TMEM255B: variants seen among roughly 807,000 people sequenced by gnomAD.
TMEM255B encodes family with sequence similarity 70, member B.
Under a neutral mutation model 34.5 loss-of-function variants are expected in TMEM255B, and 35 were observed. The observed-to-expected ratio is 1.01, with a 90% confidence interval of 0.77 to 1.34. The LOEUF is 1.34. Ranked by LOEUF, TMEM255B falls within the 40% of genes most tolerant of loss-of-function variation. The pLI, the probability that TMEM255B is intolerant of heterozygous loss-of-function variation, is 0.00. For synonymous variants in TMEM255B, 206 were observed against 201.2 expected, an observed-to-expected ratio of 1.02 and a Z score of -0.20; for missense variants, 432 against 433.2, an observed-to-expected ratio of 1.00 and a Z score of 0.02.
At chr13:113,797,085 C>T (rs762518450) in intron 4 of TMEM255B, among the ~76,000 whole-genome samples, 3 of 152,196 alleles carry the variant, frequency 2.0e-5, no homozygotes, top group Non-Finnish European at 4.4e-5. Flanking sequence ...GTGGCCCCGC[C>T]GAGGAGCAGG....
At chr13:113,802,416 C>T (rs1018052253) in intron 7 of TMEM255B, among the ~76,000 whole-genome samples, 2 of 152,198 alleles carry the variant, frequency 1.3e-5, no homozygotes, top group African/African-American at 2.4e-5. Flanking sequence ...GGCCAGCAAA[C>T]CCCGCCCCCT....
chr13:113,783,322 A>C (rs1462685644), intron 3 of TMEM255B, among the ~76,000 whole-genome samples: 2 of 152,174 alleles, frequency 1.3e-5, no homozygotes, highest in African/African-American at 4.8e-5. Context: ...TGGTAAGTCC[A>C]ATCTGGATCT....
At chr13:113,792,795 T>G (rs1196549321) in intron 3 of TMEM255B, among the ~76,000 whole-genome samples, 2 of 152,274 alleles carry the variant, frequency 1.3e-5, no homozygotes, top group Non-Finnish European at 2.9e-5. Context: ...AGACCCAGGC[T>G]AATGCAGCCA....
In TMEM255B at chr13:113,816,708, C is replaced by G. The variant is rs72670688; in HGVS notation, c.*4805C>G. The G allele has an allele frequency of 6.6e-6, 1 of 152,158 alleles. No individual in the cohort carries two copies. The highest frequency in any genetic ancestry group is 1.5e-5 in the Non-Finnish European group (1 of 68,038). 9.4% of individuals were successfully genotyped at this position (152,158 alleles called of 1,614,324 possible). On this transcript the variant is annotated 3_prime_UTR_variant, in exon 9 of 9. Coordinates refer to ENST00000375353, the MANE Select transcript of TMEM255B (RefSeq NM_182614.4). ...AAGAGGATTCCACGAGGCCGGGGCC[C>G]GTCAGCAGATCCTCAGACGGCGACA...
At position 113,816,910 on chromosome 13, in the gene TMEM255B, TCTC is replaced by T. The variant is rs1444272564; in HGVS notation, c.*5010_*5012del. The stretch of plus-strand genomic sequence containing the variant: ...GCAGGCAGGGGCTGTGGCTGGAGCT[TCTC>T]CTACAAATGGGCTGTGCTGGGATTA... On this transcript the variant is annotated 3_prime_UTR_variant, in exon 9 of 9. Coordinates refer to ENST00000375353, the MANE Select transcript of TMEM255B (RefSeq NM_182614.4). 1 of 152,194 alleles carries T rather than the reference TCTC, an allele frequency of 6.6e-6. No individual in the cohort carries two copies. Among genetic ancestry groups the T allele is most frequent in the African/African-American group, 2.4e-5 (1 of 41,410 alleles). The allele number at this position is 152,194 out of a possible 1,614,324, so 9.4% of individuals were successfully genotyped here. A position where few individuals can be genotyped will look rare whatever the true frequency, so the allele number is the denominator to read the frequency against.
rs984744588 is a variant in TMEM255B at position 113,814,832 on chromosome 13, G to A, written c.*2929G>A. 1.4e-5 allele frequency: 2 copies of A among 145,004 alleles called. No homozygotes were observed. The highest frequency in any genetic ancestry group is 6.9e-5 in the Admixed American group (1 of 14,550). The allele number at this position is 145,004 out of a possible 1,614,324, so 9.0% of individuals were successfully genotyped here. The stretch of plus-strand genomic sequence containing the variant: ...GTCAGTGAGACCCTGGAGGCCGCGG[G>A]AGATGGGGTGGAGGGGATGGTGGGG... On this transcript the variant is annotated 3_prime_UTR_variant, in exon 9 of 9. Coordinates refer to ENST00000375353, the MANE Select transcript of TMEM255B (RefSeq NM_182614.4).
chr13:113,815,475 C>T lies in TMEM255B; in HGVS notation c.*3572C>T, dbSNP rs2051391658. 6.6e-6 allele frequency: 1 copy of T among 152,222 alleles called. No individual in the cohort carries two copies. The highest frequency in any genetic ancestry group is 1.5e-5 in the Non-Finnish European group (1 of 68,092). 9.4% of individuals were successfully genotyped at this position (152,222 alleles called of 1,614,324 possible). ...ACTTGAATTGTATTTCCCAGAATTC[C>T]TGCGCGTTGTGGGAGGGACCCAGCG... is the stretch of plus-strand genomic sequence containing the variant. On this transcript the variant is annotated 3_prime_UTR_variant, in exon 9 of 9. Transcript: ENST00000375353.
At chr13:113,787,507 G>A (rs1419670640) in intron 3 of TMEM255B, among the ~76,000 whole-genome samples, 1 of 152,156 alleles carries the variant, frequency 6.6e-6, no homozygotes. Flanking sequence ...GGTCTTTGGA[G>A]GGTGTGGATG....
chr13:113,772,628 C>T (rs1566723175), intron 3 of TMEM255B, among the ~76,000 whole-genome samples: 1 of 152,230 alleles, frequency 6.6e-6, no homozygotes, highest in South Asian at 2.1e-4. Flanking sequence ...CATTTACGGA[C>T]ATCCAGTTGT....
Position 113,794,933 on chromosome 13 carries a change from C to T in TMEM255B, c.253-215C>T, listed in dbSNP as rs559569083. 9.8e-5 allele frequency among the ~76,000 whole-genome samples: 15 copies of T among 152,356 alleles called. No individual in the cohort carries two copies. In the South Asian group the frequency reaches 1.0e-3, roughly 11 times the overall value. On this transcript the variant is annotated intron_variant, in intron 3 of 8. Coordinates refer to ENST00000375353, the MANE Select transcript of TMEM255B (RefSeq NM_182614.4). ...TGGCAACGCCCTTCCGTGCAGAAGG[C>T]GCCTGGGTGGGTCTTGCGGAATAGA... is the stretch of plus-strand genomic sequence containing the variant.
intron 4 of TMEM255B, among the ~76,000 whole-genome samples, chr13:113,796,476 GCACACACCA>G (rs2050941936): frequency 2.7e-5 from 3 of 111,534 alleles, no homozygotes; most frequent in Non-Finnish European, 5.5e-5. Flanking sequence ...ACCACAGAGA[GCACACACCA>G]CACACACTAC....
Position 113,774,075 on chromosome 13 carries a change from AC to A in TMEM255B, c.252+4918del, listed in dbSNP as rs544303689. Reference sequence around the variant, plus strand: ...ACAAGGGTGAAGAAAATCGCAATGAACCCTCCTTGCCCCCCACCCAACTCCA... The same window carrying A: ...ACAAGGGTGAAGAAAATCGCAATGAACCTCCTTGCCCCCCACCCAACTCCA... On this transcript the variant is annotated intron_variant, in intron 3 of 8. Transcript: ENST00000375353. 4.0e-4 allele frequency among the ~76,000 whole-genome samples: 61 copies of A among 151,682 alleles called. 1 individual carries two copies. The highest frequency in any genetic ancestry group is 1.3e-3 in the African/African-American group (55 of 41,338).
At chr13:113,808,253 T>C (rs2051222009) in intron 8 of TMEM255B, among the ~76,000 whole-genome samples, 1 of 152,104 alleles carries the variant, frequency 6.6e-6, no homozygotes, top group Admixed American at 6.5e-5. Context: ...GAGCAGTTAA[T>C]AAAAAGGACA....
chr13:113,771,023 A>T (rs1363549327), intron 3 of TMEM255B, among the ~76,000 whole-genome samples: 5 of 152,190 alleles, frequency 3.3e-5, no homozygotes, highest in Non-Finnish European at 7.3e-5. Context: ...TCCACATTCC[A>T]TATAACTCAC....
intron 3 of TMEM255B, among the ~76,000 whole-genome samples, chr13:113,780,954 C>G (rs2050657287): frequency 6.6e-6 from 1 of 152,176 alleles, no homozygotes; most frequent in South Asian, 2.1e-4. Flanking sequence ...AACTTTGGAA[C>G]ACATACCAAT....
intron 3 of TMEM255B, among the ~76,000 whole-genome samples, chr13:113,789,971 C>T (rs956014918): frequency 1.3e-5 from 2 of 151,422 alleles, no homozygotes; most frequent in East Asian, 3.9e-4. Flanking sequence ...GACATCCTAG[C>T]GCTGGACTGA....
chr13:113,799,846 G>A (rs1038507494), intron 5 of TMEM255B: 20 of 696,778 alleles, frequency 2.9e-5, no homozygotes, highest in Middle Eastern at 2.6e-4. Context: ...GTAATGACCC[G>A]CGGGCGGCCG....
At chr13:113,802,632 C>T (rs1202093456) in intron 7 of TMEM255B, among the ~76,000 whole-genome samples, 1 of 118,700 alleles carries the variant, frequency 8.4e-6, no homozygotes, top group East Asian at 1.9e-4. Context: ...CTTCTCCATG[C>T]CCTATTCGTC....
At position 113,759,242 on chromosome 13, in the gene TMEM255B, C is replaced by T; in HGVS notation, c.-28C>T. 4.1e-6 allele frequency: 5 copies of T among 1,227,170 alleles called. No homozygotes were observed. The highest frequency in any genetic ancestry group is 5.1e-6 in the Non-Finnish European group (5 of 984,966). The allele number at this position is 1,227,170 out of a possible 1,614,324, so 76.0% of individuals were successfully genotyped here. A position where few individuals can be genotyped will look rare whatever the true frequency, so the allele number is the denominator to read the frequency against. ...CCTGGCGGCGGGACTGTGGCTGTGG[C>T]CCCGGGAGAGCCGGGTGGGGCCTCG... is the stretch of plus-strand genomic sequence containing the variant. On this transcript the variant is annotated 5_prime_UTR_variant, in exon 1 of 9. Coordinates refer to ENST00000375353, the MANE Select transcript of TMEM255B (RefSeq NM_182614.4).
Sources: gnomAD v4.1 joint callset for allele counts (sites outside exome capture counted in the v4.1 genomes callset) on GRCh38, gnomAD v4.1.1 for gene constraint, MANE v1.5 for transcripts, NCBI Gene and HGNC (gene_info 2026-07-23, HGNC 2026-07-21) for gene names.